The following RUNX3 variants were observed in gnomAD, a reference collection of about 807,000 sequenced individuals.
RUNX3 encodes the protein runt-related transcription factor 3.
Under a neutral mutation model 27.7 loss-of-function variants are expected in RUNX3, and 10 were observed. The observed-to-expected ratio is 0.36, with a 90% CI of 0.22 to 0.61. RUNX3 has a LOEUF of 0.61. RUNX3 is among the 20% of genes least tolerant of loss of function. RUNX3 has a pLI of 0.72. For synonymous variants in RUNX3, 270 were observed against 269.2 expected (o/e 1.00, Z -0.03); for missense variants, 469 against 629.5 (o/e 0.75, Z 2.73).
At chr1:24,906,699 C>A (rs564099597) in intron 4 of RUNX3, among the ~76,000 whole-genome samples, 1 of 152,380 alleles carries the variant, frequency 6.6e-6, no homozygotes, top group East Asian at 1.9e-4. Context: ...TGGGAGGATG[C>A]TCTGGGCAGG....
chr1:24,950,272 G>C (rs1047882251), intron 2 of RUNX3, among the ~76,000 whole-genome samples: 2 of 152,206 alleles, frequency 1.3e-5, no homozygotes, highest in Non-Finnish European at 2.9e-5. Context: ...TGTGCAGAAA[G>C]TGCAGACCCT....
intron 2 of RUNX3, among the ~76,000 whole-genome samples, chr1:24,950,433 C>T (rs141997512): frequency 2.6e-5 from 4 of 152,318 alleles, no homozygotes; most frequent in Admixed American, 2.6e-4. Context: ...TGGACCCGGG[C>T]CCCAAGTCCC....
chr1:24,957,970 C>A (rs1231329816), intron 2 of RUNX3, among the ~76,000 whole-genome samples: 1 of 152,240 alleles, frequency 6.6e-6, no homozygotes, highest in Non-Finnish European at 1.5e-5. Flanking sequence ...CTGACAGTCC[C>A]TCTAGTCTTG....
rs7535613 is a variant in RUNX3, at chr1:24,916,983, G to A, written c.544+2257C>T. ...GGGAGACCCAGGCAGGGAAGAGCAG[G>A]CAGGGGATTCTGCTGGAATCTCCCA... is the stretch of plus-strand genomic sequence containing the variant. On this transcript the variant is annotated intron_variant, in intron 3 of 4. Transcript: ENST00000308873. The surrounding 1 kb of genome is among the most constrained non-coding windows in gnomAD (Gnocchi z 4.8). Among the ~76,000 whole-genome samples the A allele has an allele frequency of 0.13, 19,197 of 152,174 alleles. 3,274 individuals carry two copies. The highest frequency in any genetic ancestry group is 0.39 in the African/African-American group (16,038 of 41,452).
rs947222605 is a variant in RUNX3, at chr1:24,916,276, C to CG, written c.544+2963dup. ...GGGGGCACTTCCTGGGGCCAGGCCCCGGTAAACTCAGTCAACCTTCACAGC... is the reference window on the plus strand; with the variant it reads ...GGGGGCACTTCCTGGGGCCAGGCCCCGGGTAAACTCAGTCAACCTTCACAGC... On this transcript the variant is annotated intron_variant, in intron 3 of 4. Coordinates refer to ENST00000308873, the MANE Select transcript of RUNX3 (RefSeq NM_004350.3). This position sits in a 1 kb window ranked among gnomAD's most constrained non-coding sequence, Gnocchi z 4.8. Among the ~76,000 whole-genome samples, 12 of 152,214 alleles carry CG rather than the reference C, an allele frequency of 7.9e-5. No homozygotes were observed. Among genetic ancestry groups the CG allele is most frequent in the African/African-American group, 2.7e-4 (11 of 41,438 alleles).
chr1:24,928,921 TCTCG>T (rs878911143), intron 1 of RUNX3: 2 of 399,720 alleles, frequency 5.0e-6, no homozygotes, highest in South Asian at 3.6e-5. Flanking sequence ...TTTCGTTTCA[TCTCG>T]CTGCCCCCTT....
At chr1:24,938,388 G>A (rs1207178047) in intron 2 of RUNX3, among the ~76,000 whole-genome samples, 1 of 152,162 alleles carries the variant, frequency 6.6e-6, no homozygotes, top group African/African-American at 2.4e-5. Context: ...TCAGAGATTT[G>A]CCCACCGTCA....
At chr1:24,964,773 C>A (rs1461421184) in intron 1 of RUNX3, 3 of 1,343,300 alleles carry the variant, frequency 2.2e-6, no homozygotes, top group Non-Finnish European at 2.0e-6. Context: ...GGAAAGAACG[C>A]GAGAGTGTGT....
upstream of RUNX3, chr1:24,930,278 G>GGGCCGC: frequency 1.0e-6 from 1 of 982,230 alleles, no homozygotes; most frequent in Non-Finnish European, 1.2e-6. The surrounding 1 kb of genome is among the most constrained non-coding windows in gnomAD (Gnocchi z 4.1). Context: ...TCAAGTGGCG[G>GGGCCGC]GGCCGCGGCC....
intron 1 of RUNX3, 97 bp downstream of exon 1, chr1:24,929,490 A>T: frequency 6.5e-6 from 8 of 1,234,452 alleles, no homozygotes; most frequent in Non-Finnish European, 9.2e-6. Flanking sequence ...CGTCTCGGGC[A>T]CCTCCCATCC....
In RUNX3 at chr1:24,916,230, G is replaced by GTTTTTTT. The variant is rs1640886545; in HGVS notation, c.544+3009_544+3010insAAAAAAA. On this transcript the variant is annotated intron_variant, in intron 3 of 4. Coordinates refer to ENST00000308873, the MANE Select transcript of RUNX3 (RefSeq NM_004350.3). The surrounding 1 kb of genome is among the most constrained non-coding windows in gnomAD (Gnocchi z 4.8). ...GGAAGTCCAGGAGCACAAAAGGCCT[G>GTTTTTTT]TAACAACCTGTGAAGGTTGTGGGGG... Among the ~76,000 whole-genome samples the GTTTTTTT allele has an allele frequency of 6.6e-6, 1 of 152,240 alleles. No homozygotes were observed. Among genetic ancestry groups the GTTTTTTT allele is most frequent in the African/African-American group, 2.4e-5 (1 of 41,448 alleles).
upstream of RUNX3, among the ~76,000 whole-genome samples, chr1:24,932,016 G>T (rs969400557): frequency 6.6e-6 from 1 of 152,222 alleles, no homozygotes; most frequent in Non-Finnish European, 1.5e-5. Flanking sequence ...GGCGCAGCGC[G>T]TCGTGGCCAG....
At chr1:24,955,890 A>G (rs1257882481) in intron 2 of RUNX3, among the ~76,000 whole-genome samples, 1 of 152,248 alleles carries the variant, frequency 6.6e-6, no homozygotes, top group African/African-American at 2.4e-5. Flanking sequence ...GCTTGCATGC[A>G]GTAGATGCTC....
Position 24,927,787 on chromosome 1 carries a change from C to G in RUNX3, c.283-57G>C. ...ACAGCTTAGAAAGGAAGAGGGTGAC[C>G]AGGGAAAGGAGGGGAGGGGCTGGGC... On this transcript the variant is annotated intron_variant, in intron 1 of 4. Coordinates refer to ENST00000308873, the MANE Select transcript of RUNX3 (RefSeq NM_004350.3). The surrounding 1 kb of genome is among the most constrained non-coding windows in gnomAD (Gnocchi z 5.0). 1 of 1,556,806 alleles carries G rather than the reference C, an allele frequency of 6.4e-7. No individual in the cohort carries two copies. The highest frequency in any genetic ancestry group is 1.1e-5 in the South Asian group (1 of 89,668).
rs1048642258 is a variant in RUNX3, at chr1:24,916,323, A to G, written c.544+2917T>C. ...CAGCGACTCCCCTAGGCAGACACCA[A>G]TACCATCCATTTGACAGCTGAGCAC... is the stretch of plus-strand genomic sequence containing the variant. On this transcript the variant is annotated intron_variant, in intron 3 of 4. Coordinates refer to ENST00000308873, the MANE Select transcript of RUNX3 (RefSeq NM_004350.3). The surrounding 1 kb of genome is among the most constrained non-coding windows in gnomAD (Gnocchi z 4.8). Among the ~76,000 whole-genome samples, 7 of 152,194 alleles carry G rather than the reference A, an allele frequency of 4.6e-5. No individual in the cohort carries two copies. Among genetic ancestry groups the G allele is most frequent in the Non-Finnish European group, 1.0e-4 (7 of 68,028 alleles).
chr1:24,903,680 T>C (rs1640610243), intron 4 of RUNX3, among the ~76,000 whole-genome samples: 1 of 152,112 alleles, frequency 6.6e-6, no homozygotes, highest in African/African-American at 2.4e-5. Context: ...ACACAGCACA[T>C]TGGACCTGGC....
chr1:24,957,736 C>T (rs775942368), intron 2 of RUNX3, among the ~76,000 whole-genome samples: 54 of 152,224 alleles, frequency 3.5e-4, no homozygotes, highest in Non-Finnish European at 6.6e-4. Flanking sequence ...ACGTGATACA[C>T]ACTACCTCAT....
intron 4 of RUNX3, among the ~76,000 whole-genome samples, chr1:24,905,589 A>C (rs1640648817): frequency 6.6e-6 from 1 of 152,224 alleles, no homozygotes; most frequent in Admixed American, 6.5e-5. Context: ...GGATGGAAGC[A>C]GCAGCTGTGC....
At chr1:24,920,071 G>A (rs1342651342) in intron 2 of RUNX3, among the ~76,000 whole-genome samples, 1 of 152,082 alleles carries the variant, frequency 6.6e-6, no homozygotes, top group African/African-American at 2.4e-5. Context: ...AGCTGGAGCT[G>A]AAAAAGGACT....
Sources: allele counts gnomAD v4.1 joint callset (sites outside exome capture counted in the v4.1 genomes callset), GRCh38; gene constraint gnomAD v4.1.1; non-coding constraint Gnocchi (gnomAD v3.1); transcripts MANE v1.5; gene names NCBI Gene and HGNC (gene_info 2026-07-23, HGNC 2026-07-21).